Variants in RBFOX1 observed in about 807,000 individuals in gnomAD.
RBFOX1 encodes RNA binding protein fox-1 homolog 1.
Under a neutral mutation model 57.7 loss-of-function variants are expected in RBFOX1, and 8 were observed. The observed-to-expected ratio is 0.14, with a 90% CI of 0.08 to 0.25. RBFOX1 has a LOEUF of 0.25. Among genes scored for constraint, RBFOX1 ranks in the 10% least tolerant of loss-of-function variants. RBFOX1 has a pLI of 1.00. For synonymous variants in RBFOX1, 326 were observed against 222.4 expected (o/e 1.47, Z -4.15); for missense variants, 611 against 548.5 (o/e 1.11, Z -1.14).
chr16:5,949,794 C>G (rs979381335), intron 4 of RBFOX1, among the ~76,000 whole-genome samples: 1 of 152,136 alleles, frequency 6.6e-6, no homozygotes, highest in East Asian at 1.9e-4. Flanking sequence ...GGCCTCATCC[C>G]AAGCCTATTG....
At chr16:7,345,022 G>A (rs1356463775) in intron 4 of RBFOX1, among the ~76,000 whole-genome samples, 1 of 151,372 alleles carries the variant, frequency 6.6e-6, no homozygotes, top group African/African-American at 2.5e-5. Context: ...CAAACCTGGA[G>A]GTTGTGTGGT....
At chr16:5,884,538 C>T (rs764078283) in intron 4 of RBFOX1, among the ~76,000 whole-genome samples, 1 of 146,164 alleles carries the variant, frequency 6.8e-6, no homozygotes, top group Non-Finnish European at 1.5e-5. Context: ...GTTGATAAGA[C>T]CATGTGACTG....
intron 4 of RBFOX1, among the ~76,000 whole-genome samples, chr16:7,091,056 T>A (rs576871884): frequency 6.6e-6 from 1 of 152,316 alleles, no homozygotes; most frequent in South Asian, 2.1e-4. Flanking sequence ...GCCACTCAAG[T>A]CTTGGACCAA....
chr16:6,034,344 AAAAAAAAAAAAAAG>A (rs2095333807), intron 1 of RBFOX1, among the ~76,000 whole-genome samples: 1 of 150,032 alleles, frequency 6.7e-6, no homozygotes, highest in East Asian at 2.0e-4. Context: ...AAAAAAAAAA[AAAAAAAAAAAAAAG>A]AAAAGAAAAG....
rs1313102652 is a variant in RBFOX1 at position 6,019,759 on chromosome 16, C to G, written c.-360C>G. 2.1e-6 allele frequency: 3 copies of G among 1,403,824 alleles called. No individual in the cohort carries two copies. Among genetic ancestry groups the G allele is most frequent in the African/African-American group, 1.5e-5 (1 of 67,714 alleles). 87.0% of individuals were successfully genotyped at this position (1,403,824 alleles called of 1,614,324 possible). On this transcript the variant is annotated 5_prime_UTR_variant, in exon 1 of 16. Transcript: ENST00000550418. The surrounding 1 kb of genome is among the most constrained non-coding windows in gnomAD (Gnocchi z 4.2). ...ATTGAGAGTCCTTGCGCTCCAGACC[C>G]CCACCCAGTGGCCGCCAGGGTCCCC...
intron 3 of RBFOX1, among the ~76,000 whole-genome samples, chr16:6,841,505 T>C (rs577462613): frequency 4.3e-4 from 66 of 152,312 alleles, no homozygotes; most frequent in Admixed American, 1.8e-3. Context: ...GCGGTAGATC[T>C]GGATGATTTT....
chr16:7,480,325 C>G (rs939230224), intron 4 of RBFOX1, among the ~76,000 whole-genome samples: 2 of 152,198 alleles, frequency 1.3e-5, no homozygotes, highest in Non-Finnish European at 2.9e-5. Flanking sequence ...CAGTTTCCCT[C>G]TCTTTCAACC....
intron 3 of RBFOX1, among the ~76,000 whole-genome samples, chr16:5,816,796 T>C (rs567316716): frequency 6.6e-6 from 1 of 152,128 alleles, no homozygotes; most frequent in Non-Finnish European, 1.5e-5. Context: ...AAAGAAATTA[T>C]ATAGCCCTAG....
intron 4 of RBFOX1, among the ~76,000 whole-genome samples, chr16:7,065,386 G>T (rs1389334340): frequency 6.6e-6 from 1 of 152,044 alleles, no homozygotes; most frequent in African/African-American, 2.4e-5. Context: ...GCCCACTCGT[G>T]TTCAGCATCA....
intron 3 of RBFOX1, among the ~76,000 whole-genome samples, chr16:5,764,279 T>C (rs1335890033): frequency 6.6e-6 from 1 of 152,210 alleles, no homozygotes; most frequent in East Asian, 1.9e-4. Flanking sequence ...CAGGAATATC[T>C]ATAACGGCAT....
chr16:5,932,849 G>C (rs1042889790), intron 4 of RBFOX1, among the ~76,000 whole-genome samples: 1 of 151,904 alleles, frequency 6.6e-6, no homozygotes, highest in Non-Finnish European at 1.5e-5. Flanking sequence ...CCTCACACCC[G>C]CCACTCCCTG....
At chr16:7,425,641 TAAATG>T (rs2149455124) in intron 4 of RBFOX1, among the ~76,000 whole-genome samples, 1 of 152,268 alleles carries the variant, frequency 6.6e-6, no homozygotes, top group South Asian at 2.1e-4. Flanking sequence ...TGTGTGAAAA[TAAATG>T]AAATTGTTAA....
chr16:7,372,246 G>A (rs972869513), intron 4 of RBFOX1, among the ~76,000 whole-genome samples: 1 of 152,124 alleles, frequency 6.6e-6, no homozygotes, highest in Non-Finnish European at 1.5e-5. Context: ...TGGAGTTCAC[G>A]TAAGGATGAG....
intron 3 of RBFOX1, among the ~76,000 whole-genome samples, chr16:6,811,772 C>G (rs902697629): frequency 1.3e-5 from 2 of 152,116 alleles, no homozygotes; most frequent in Non-Finnish European, 2.9e-5. Flanking sequence ...GCCTGTAATC[C>G]CAACTACTGG....
intron 4 of RBFOX1, among the ~76,000 whole-genome samples, chr16:7,227,094 A>G (rs529654178): frequency 5.7e-4 from 86 of 152,148 alleles, no homozygotes; most frequent in Non-Finnish European, 9.0e-4. Flanking sequence ...TCTGTCATTT[A>G]TAGAACCTGT....
intron 4 of RBFOX1, among the ~76,000 whole-genome samples, chr16:7,160,856 C>T (rs55903204): frequency 1.4e-5 from 2 of 147,290 alleles, no homozygotes; most frequent in African/African-American, 5.2e-5. Flanking sequence ...TCCTCCTCCT[C>T]CTTCTTTTTC....
intron 1 of RBFOX1, among the ~76,000 whole-genome samples, chr16:5,418,591 T>C (rs2067223077): frequency 6.6e-6 from 1 of 152,058 alleles, no homozygotes; most frequent in South Asian, 2.1e-4. Context: ...TGTGAACCAG[T>C]TTATGGATTT....
intron 2 of RBFOX1, among the ~76,000 whole-genome samples, chr16:6,598,929 G>C (rs757886260): frequency 3.3e-5 from 5 of 150,444 alleles, no homozygotes; most frequent in African/African-American, 1.2e-4. Flanking sequence ...CTGTGTAACA[G>C]AGCAAGACTC....
At chr16:6,655,738 A>C (rs1360465939) in intron 3 of RBFOX1, among the ~76,000 whole-genome samples, 14 of 152,152 alleles carry the variant, frequency 9.2e-5, no homozygotes, top group Non-Finnish European at 1.5e-5. Flanking sequence ...CCTCCTGGCT[A>C]CTTTTGACAT....
Sources: allele counts gnomAD v4.1 joint callset (sites outside exome capture counted in the v4.1 genomes callset), GRCh38; gene constraint gnomAD v4.1.1; non-coding constraint Gnocchi (gnomAD v3.1); transcripts MANE v1.5; gene names NCBI Gene and HGNC (gene_info 2026-07-23, HGNC 2026-07-21).